RPS19BP1: variants seen among roughly 807,000 people sequenced by gnomAD.
The protein encoded by RPS19BP1 is ribosomal protein S19 binding protein 1.
A neutral mutation model predicts 16.6 loss-of-function variants in RPS19BP1; 14 were observed. That is an observed-to-expected ratio of 0.84 (90% CI 0.56 to 1.32). RPS19BP1 has a LOEUF of 1.32. RPS19BP1 is among the 40% of genes most tolerant of loss of function. The pLI is 0.00. For synonymous variants in RPS19BP1, 90 were observed against 77.3 expected, an observed-to-expected ratio of 1.16 and a Z score of -0.86; for missense variants, 188 against 178.6, an observed-to-expected ratio of 1.05 and a Z score of -0.30.
rs755632426 is a variant in RPS19BP1, at chr22:39,532,694, C to T, written c.45G>A (p.Ala15=). Residue 15 remains alanine (A), a synonymous_variant, in exon 1 of 4, where the codon GCG becomes GCA. Coordinates refer to ENST00000334678, the MANE Select transcript of RPS19BP1 (RefSeq NM_194326.4). ...LLRRGLELLA[A]SEAPRDPPGQ... ...CTGGCCAGCCCTCCTCACCCTCGGACGCCGCCAGCAGCTCCAGGCCCCGCC... is the reference window on the plus strand; with the variant it reads ...CTGGCCAGCCCTCCTCACCCTCGGATGCCGCCAGCAGCTCCAGGCCCCGCC... The T allele has an allele frequency of 1.4e-5, 22 of 1,543,788 alleles. No homozygotes were observed. Among genetic ancestry groups the T allele is most frequent in the Non-Finnish European group, 1.8e-5 (21 of 1,147,754 alleles).
Position 39,529,609 on chromosome 22 carries a change from G to A in RPS19BP1, c.294C>T (p.Asn98=), listed in dbSNP as rs376723752. Residue 98 remains asparagine, a synonymous_variant, in exon 4 of 4, where the codon AAC becomes AAT. Coordinates refer to ENST00000334678, the MANE Select transcript of RPS19BP1 (RefSeq NM_194326.4). Reference sequence around the variant, plus strand: ...GCCGGTCACAGGCCTTGCGGCCCCGGTTCTGGCGCAAAATCTGGCGAGGGT... The same window carrying A: ...GCCGGTCACAGGCCTTGCGGCCCCGATTCTGGCGCAAAATCTGGCGAGGGT... ...ESVSQQILRQ[N]RGRKACDRPV... 2.7e-5 allele frequency: 43 copies of A among 1,613,956 alleles called. No homozygotes were observed. In the African/African-American group the frequency reaches 5.5e-4, roughly 21 times the overall value.
rs754765421 is a variant in RPS19BP1 at position 39,529,611 on chromosome 22, T to C, written c.292A>G (p.Asn98Asp). 31 of 1,614,024 alleles carry C rather than the reference T, an allele frequency of 1.9e-5. No individual in the cohort carries two copies. The South Asian group carries it at 3.3e-4, about 17-fold the overall frequency. ...CGGTCACAGGCCTTGCGGCCCCGGT[T>C]CTGGCGCAAAATCTGGCGAGGGTGC... Reference protein sequence around the residue: ...ESVSQQILRQNRGRKACDRPV... With the variant: ...ESVSQQILRQDRGRKACDRPV... The change falls in exon 4 of 4, where the codon AAC becomes GAC. Residue 98 changes from asparagine to aspartate, a missense_variant. Coordinates refer to ENST00000334678, the MANE Select transcript of RPS19BP1 (RefSeq NM_194326.4).
At position 39,529,615 on chromosome 22, in the gene RPS19BP1, G is replaced by C. The variant is rs780993720; in HGVS notation, c.288C>G (p.Arg96=). 7.2e-5 allele frequency: 116 copies of C among 1,613,890 alleles called. No individual in the cohort carries two copies. The highest frequency in any genetic ancestry group is 1.2e-4 in the Admixed American group (7 of 59,976). Residue 96 remains arginine (R), a synonymous_variant, in exon 4 of 4, where the codon CGC becomes CGG. Coordinates refer to ENST00000334678, the MANE Select transcript of RPS19BP1 (RefSeq NM_194326.4). ...VAESVSQQIL[R]QNRGRKACDR... is the part of the protein sequence containing the mutation. Reference sequence around the variant, plus strand: ...CACAGGCCTTGCGGCCCCGGTTCTGGCGCAAAATCTGGCGAGGGTGCGGGA... The same window carrying C: ...CACAGGCCTTGCGGCCCCGGTTCTGCCGCAAAATCTGGCGAGGGTGCGGGA...
In RPS19BP1 at chr22:39,529,922, G is replaced by A; in HGVS notation, c.182-5C>T. 6.2e-7 allele frequency: 1 copy of A among 1,612,500 alleles called. No individual in the cohort carries two copies. The highest frequency in any genetic ancestry group is 1.1e-5 in the South Asian group (1 of 91,054). Reference sequence around the variant, plus strand: ...ACTCTCGCTTCCGGTACTCGTCTGTGGGTAGCAGGCAGGGAGCACCATTTC... The same window carrying A: ...ACTCTCGCTTCCGGTACTCGTCTGTAGGTAGCAGGCAGGGAGCACCATTTC... On this transcript the variant is annotated splice_region_variant and splice_polypyrimidine_tract_variant and intron_variant, in intron 2 of 3. Coordinates refer to ENST00000334678, the MANE Select transcript of RPS19BP1 (RefSeq NM_194326.4).
At chr22:39,530,743 A>C (rs1350937699) in intron 2 of RPS19BP1, 1 of 154,520 alleles carries the variant, frequency 6.5e-6, no homozygotes, top group Admixed American at 6.6e-5. Context: ...AAAAAAACAA[A>C]CCAAAAACAA....
intron 2 of RPS19BP1, 150 bp downstream of exon 2, chr22:39,532,245 T>G: frequency 2.8e-6 from 3 of 1,082,416 alleles, no homozygotes; most frequent in Non-Finnish European, 4.0e-6. Flanking sequence ...TTCTGTCACC[T>G]TCGTATGTCC....
intron 3 of RPS19BP1, 42 bp from the exon 4 acceptor site, chr22:39,529,665 AGAG>A (rs759408751): frequency 1.6e-5 from 26 of 1,610,010 alleles, no homozygotes; most frequent in Non-Finnish European, 2.2e-5. Context: ...TTTCAAGAGC[AGAG>A]GAGGCCCGCA....
intron 3 of RPS19BP1, 81 bp downstream of exon 3, chr22:39,529,739 G>T: frequency 6.3e-7 from 1 of 1,596,662 alleles, no homozygotes. Flanking sequence ...CTATGCTCAG[G>T]GCTGAGACCG....
chr22:39,532,622 C>G (rs1043007491), intron 1 of RPS19BP1, 65 bp downstream of exon 1: 1 of 1,595,628 alleles, frequency 6.3e-7, no homozygotes, highest in African/African-American at 1.3e-5. Flanking sequence ...CCATCCAGGG[C>G]TCCCGCCCGC....
At position 39,529,850 on chromosome 22, in the gene RPS19BP1, T is replaced by C; in HGVS notation, c.249A>G (p.Arg83=). 6.2e-7 allele frequency: 1 copy of C among 1,614,130 alleles called. No individual in the cohort carries two copies. The highest frequency in any genetic ancestry group is 8.5e-7 in the Non-Finnish European group (1 of 1,180,000). The change falls in exon 3 of 4, where the codon AGA becomes AGG. Residue 83 remains arginine (R), a synonymous_variant. Transcript: ENST00000334678. ...GGCTCACAGACTCAGCCACGGTGCT[T>C]CTCGTCCTGGTCAGAAACTTCAGGT... ...RVNLKFLTRT[R]STVAESVSQQ...
intron 2 of RPS19BP1, 88 bp from the exon 3 acceptor site, chr22:39,530,005 TC>T (rs1416987072): frequency 3.8e-6 from 4 of 1,058,866 alleles, no homozygotes; most frequent in Non-Finnish European, 5.8e-6. Flanking sequence ...GCCAAAGACC[TC>T]ATCGTTCCCT....
intron 2 of RPS19BP1, chr22:39,531,796 A>T (rs1204391347): frequency 6.6e-6 from 1 of 152,424 alleles, no homozygotes; most frequent in Non-Finnish European, 1.5e-5. Context: ...AGTAGTATCG[A>T]CCTCAAAGGG....
chr22:39,529,749 G>A (rs1271650486), intron 3 of RPS19BP1, 71 bp downstream of exon 3: 18 of 1,593,610 alleles, frequency 1.1e-5, no homozygotes, highest in East Asian at 2.2e-5. Flanking sequence ...GGCTGAGACC[G>A]CCATGGGTCC....
At chr22:39,532,628 C>G in intron 1 of RPS19BP1, 59 bp downstream of exon 1, 1 of 1,593,196 alleles carries the variant, frequency 6.3e-7, no homozygotes, top group Non-Finnish European at 8.5e-7. Flanking sequence ...AGGGCTCCCG[C>G]CCGCAGCCAC....
Position 39,530,146 on chromosome 22 carries a change from AGGGAGCTACTCT to A in RPS19BP1, c.182-241_182-230del, listed in dbSNP as rs1931270117. On this transcript the variant is annotated intron_variant, in intron 2 of 3. Transcript: ENST00000334678. Reference sequence around the variant, plus strand: ...ATTATGTCCTGAATACTACTCACCAAGGGAGCTACTCTGGAGCTTTCGCTTCAGTGAGAGATG... The same window carrying A: ...ATTATGTCCTGAATACTACTCACCAAGGAGCTTTCGCTTCAGTGAGAGATG... 7.2e-6 allele frequency: 4 copies of A among 554,898 alleles called. No individual in the cohort carries two copies. In the South Asian group the frequency reaches 8.9e-5, roughly 12 times the overall value. The allele number at this position is 554,898 out of a possible 1,614,324, so 34.4% of individuals were successfully genotyped here.
chr22:39,532,145 G>A (rs996059372), intron 2 of RPS19BP1: 14 of 503,494 alleles, frequency 2.8e-5, no homozygotes, highest in African/African-American at 2.7e-4. Context: ...AGGCTTCAAT[G>A]CACTTAGCAA....
rs756520743 is a variant in RPS19BP1 at position 39,532,452 on chromosome 22, T to C, written c.124A>G (p.Ile42Val). 6 of 1,614,126 alleles carry C rather than the reference T, an allele frequency of 3.7e-6. No homozygotes were observed. The South Asian group carries it at 5.5e-5, about 15-fold the overall frequency. The change falls in exon 2 of 4, where the codon ATT becomes GTT. Residue 42 changes from isoleucine to valine, a missense_variant. Ile to Val is a conservative substitution (Grantham distance 29). Transcript: ENST00000334678. Reference sequence around the variant, plus strand: ...GAGTTCCGCAGTTTCTGGGCCTGAATTGCCTTCGTCTTCCGGGGCCGTTTC... The same window carrying C: ...GAGTTCCGCAGTTTCTGGGCCTGAACTGCCTTCGTCTTCCGGGGCCGTTTC... The part of the protein sequence containing the change: ...PVKRPRKTKA[I>V]QAQKLRNSAK...
chr22:39,532,304 G>T, intron 2 of RPS19BP1, 91 bp downstream of exon 2: 2 of 1,575,642 alleles, frequency 1.3e-6, no homozygotes, highest in South Asian at 1.1e-5. Context: ...AATACCGGGC[G>T]AACGCTTCAA....
chr22:39,530,427 C>T (rs1931277623), intron 2 of RPS19BP1: 2 of 224,506 alleles, frequency 8.9e-6, no homozygotes, highest in African/African-American at 2.4e-5. Context: ...TTGAAAAACA[C>T]AAAACAGCTG....
Sources: allele counts gnomAD v4.1 joint callset, GRCh38; gene constraint gnomAD v4.1.1; transcripts MANE v1.5; gene names NCBI Gene and HGNC (gene_info 2026-07-23, HGNC 2026-07-21).